CFAP53: variants seen among roughly 807,000 people sequenced by gnomAD.
CFAP53 encodes the protein cilia and flagella associated protein 53.
CFAP53 carries 62 observed loss-of-function variants against 59.7 expected under a neutral mutation model. That is an observed-to-expected ratio of 1.04 (90% CI 0.85 to 1.28). The LOEUF (loss-of-function observed/expected upper bound fraction) is 1.28, where lower values mean the gene tolerates loss of function less well. CFAP53 is among the 50% of genes most tolerant of loss of function. CFAP53 has a pLI of 0.00. For synonymous variants in CFAP53, 218 were observed against 205.7 expected, an observed-to-expected ratio of 1.06 and a Z score of -0.51; for missense variants, 629 against 615.6, an observed-to-expected ratio of 1.02 and a Z score of -0.23.
intron 5 of CFAP53, among the ~76,000 whole-genome samples, chr18:50,249,910 G>C (rs1169250169): frequency 7.2e-5 from 11 of 152,114 alleles, no homozygotes. Context: ...AACTGCATGT[G>C]AATCTACAAT....
At chr18:50,236,263 G>A (rs557270129) in intron 7 of CFAP53, among the ~76,000 whole-genome samples, 45 of 152,234 alleles carry the variant, frequency 3.0e-4, no homozygotes, top group African/African-American at 9.9e-4. Flanking sequence ...CTTGCTGGCT[G>A]CCCATTGCTT....
At chr18:50,251,855 G>T (rs2033804783) in intron 3 of CFAP53, 71 bp from the exon 4 acceptor site, 14 of 1,301,616 alleles carry the variant, frequency 1.1e-5, no homozygotes, top group Non-Finnish European at 1.5e-5. Flanking sequence ...GCACACATCT[G>T]TACAATCACA....
chr18:50,234,024 G>A (rs1304998748), intron 7 of CFAP53, among the ~76,000 whole-genome samples: 2 of 152,172 alleles, frequency 1.3e-5, no homozygotes, highest in African/African-American at 2.4e-5. Flanking sequence ...CCTTTTATAG[G>A]CACTTGTAAG....
chr18:50,236,001 T>C (rs902900845), intron 7 of CFAP53, among the ~76,000 whole-genome samples: 2 of 152,146 alleles, frequency 1.3e-5, no homozygotes, highest in African/African-American at 4.8e-5. Context: ...GGAACCAGGA[T>C]AAAGCAGAGA....
rs2033888056 is a variant in CFAP53, at chr18:50,261,060, T to C, written c.473+4A>G. 1 of 1,591,098 alleles carries C rather than the reference T, an allele frequency of 6.3e-7. No homozygotes were observed. Among genetic ancestry groups the C allele is most frequent in the Non-Finnish European group, 8.5e-7 (1 of 1,174,622 alleles). ...TCTGTTTGTGTGTTTTCTGATTTCA[T>C]TACCTGAATTGCTGGTCTAGCTTTT... is the stretch of plus-strand genomic sequence containing the variant. On this transcript the variant is annotated splice_donor_region_variant and intron_variant, in intron 3 of 7. Coordinates refer to ENST00000398545, the MANE Select transcript of CFAP53 (RefSeq NM_145020.5).
intron 6 of CFAP53, among the ~76,000 whole-genome samples, chr18:50,241,481 T>A (rs550802675): frequency 1.1e-4 from 16 of 152,262 alleles, no homozygotes; most frequent in Admixed American, 3.3e-4. Flanking sequence ...GACAACGACA[T>A]AAACAAAGGT....
chr18:50,240,834 G>A (rs528235637), intron 6 of CFAP53, among the ~76,000 whole-genome samples: 67 of 152,266 alleles, frequency 4.4e-4, no homozygotes, highest in Non-Finnish European at 8.2e-4. Context: ...CCACTGGTGC[G>A]AAATCCAATG....
intron 3 of CFAP53, among the ~76,000 whole-genome samples, chr18:50,257,966 C>T (rs1419435381): frequency 1.3e-5 from 2 of 152,118 alleles, no homozygotes; most frequent in African/African-American, 4.8e-5. Context: ...ACCTGGGAGG[C>T]AGAGGTTGCG....
intron 7 of CFAP53, among the ~76,000 whole-genome samples, chr18:50,236,736 AAT>A (rs1234715904): frequency 1.3e-5 from 2 of 152,210 alleles, no homozygotes; most frequent in Non-Finnish European, 2.9e-5. Flanking sequence ...CCTTCAGATG[AAT>A]ATATAGCCTC....
At chr18:50,261,921 G>C (rs1173296150) in intron 2 of CFAP53, 69 bp downstream of exon 2, 1 of 1,234,322 alleles carries the variant, frequency 8.1e-7, no homozygotes, top group Non-Finnish European at 1.2e-6. Context: ...TTTGATTTTT[G>C]ACTGGTCAAT....
intron 5 of CFAP53, among the ~76,000 whole-genome samples, chr18:50,245,442 C>G (rs2033735547): frequency 6.7e-6 from 1 of 148,572 alleles, no homozygotes; most frequent in Non-Finnish European, 1.5e-5. Context: ...TTGCAGGATA[C>G]AAGACCAATA....
intron 1 of CFAP53, 52 bp downstream of exon 1, chr18:50,266,284 T>C (rs2033974185): frequency 1.3e-6 from 2 of 1,575,084 alleles, no homozygotes; most frequent in Non-Finnish European, 8.7e-7. Flanking sequence ...AGGCCTGGAG[T>C]GCGGAGAGAT....
At position 50,243,031 on chromosome 18, in the gene CFAP53, T is replaced by A; in HGVS notation, c.1082A>T (p.Asp361Val). ...TGCCTTGTCTTCCTCTAATATTCTG[T>A]CAAATTCTTTCTCCTGAGCTTTTTC... is the stretch of plus-strand genomic sequence containing the variant. ...EEEKAQEKEF[D>V]RILEEDKAKK... The change falls in exon 6 of 8, where the codon GAC becomes GTC. Residue 361 changes from aspartate to valine, a missense_variant. Asp to Val is a radical substitution (Grantham distance 152). Transcript: ENST00000398545. 1 of 1,613,992 alleles carries A rather than the reference T, an allele frequency of 6.2e-7. No homozygotes were observed. Among genetic ancestry groups the A allele is most frequent in the South Asian group, 1.1e-5 (1 of 91,072 alleles).
intron 6 of CFAP53, among the ~76,000 whole-genome samples, chr18:50,242,183 G>A (rs2033696518): frequency 6.6e-6 from 1 of 152,132 alleles, no homozygotes; most frequent in Admixed American, 6.6e-5. Flanking sequence ...CTGTTATTCT[G>A]TTCTTTTTCA....
chr18:50,264,996 G>A (rs1369007813), intron 1 of CFAP53, among the ~76,000 whole-genome samples: 2 of 152,320 alleles, frequency 1.3e-5, no homozygotes, highest in East Asian at 3.9e-4. Flanking sequence ...AGGTCTATAG[G>A]TTGACTGAAG....
intron 1 of CFAP53, among the ~76,000 whole-genome samples, chr18:50,264,830 C>T (rs1218734949): frequency 6.6e-6 from 1 of 152,204 alleles, no homozygotes; most frequent in Non-Finnish European, 1.5e-5. Flanking sequence ...GGCTCAGCCC[C>T]TGAGCCCAGT....
intron 4 of CFAP53, 73 bp downstream of exon 4, chr18:50,251,408 A>G (rs1259606486): frequency 7.6e-7 from 1 of 1,320,210 alleles, no homozygotes; most frequent in Non-Finnish European, 1.0e-6. Context: ...GACAAACTGT[A>G]CTGTAACAGG....
At chr18:50,229,490 T>C (rs932931089) in intron 7 of CFAP53, among the ~76,000 whole-genome samples, 11 of 152,218 alleles carry the variant, frequency 7.2e-5, no homozygotes, top group Non-Finnish European at 1.5e-4. Flanking sequence ...ATTTCATTAA[T>C]AGACCCTTGG....
intron 7 of CFAP53, among the ~76,000 whole-genome samples, chr18:50,233,894 G>C (rs1278297808): frequency 6.6e-6 from 1 of 152,202 alleles, no homozygotes; most frequent in South Asian, 2.1e-4. Context: ...AGGTTTAGGA[G>C]GGGAGCCTAG....
Sources: gnomAD v4.1 joint callset for allele counts (sites outside exome capture counted in the v4.1 genomes callset) on GRCh38, gnomAD v4.1.1 for gene constraint, MANE v1.5 for transcripts, NCBI Gene and HGNC (gene_info 2026-07-23, HGNC 2026-07-21) for gene names.